Variants in HPSE2 observed in about 807,000 individuals in gnomAD.
The protein encoded by HPSE2 is heparanase 2 (inactive), also known as inactive heparanase-2.
A neutral mutation model predicts 60.5 loss-of-function variants in HPSE2; 38 were observed. The observed-to-expected ratio is 0.63, with a 90% CI of 0.48 to 0.82. HPSE2 has a LOEUF of 0.82. Ranked by LOEUF, HPSE2 falls within the 40% of genes least tolerant of loss-of-function variation. HPSE2 has a pLI of 0.00. For synonymous variants in HPSE2, 295 were observed against 293.2 expected (o/e 1.01, Z -0.06); for missense variants, 713 against 740.4 (o/e 0.96, Z 0.43).
intron 3 of HPSE2, among the ~76,000 whole-genome samples, chr10:98,749,661 TA>T (rs1206498744): frequency 1.2e-4 from 18 of 151,008 alleles, no homozygotes; most frequent in African/African-American, 4.4e-4. Flanking sequence ...TTCAGTATAG[TA>T]TTCAATAAAT....
intron 3 of HPSE2, among the ~76,000 whole-genome samples, chr10:99,119,610 CA>C (rs1014341786): frequency 1.3e-5 from 2 of 152,000 alleles, no homozygotes; most frequent in African/African-American, 4.8e-5. Flanking sequence ...CATATGGAAG[CA>C]AAAAAGAGCC....
At chr10:98,764,501 A>C (rs964948062) in intron 3 of HPSE2, among the ~76,000 whole-genome samples, 2 of 151,822 alleles carry the variant, frequency 1.3e-5, no homozygotes, top group African/African-American at 4.8e-5. Flanking sequence ...TTTAAAAATA[A>C]ATCCAATTAT....
rs1554950583 is a variant in HPSE2 at position 98,600,926 on chromosome 10, T to TATATATA, written c.1320+13971_1320+13977dup. Reference sequence around the variant, plus strand: ...ATGTGTGTGTGTATATATATATATATATATATATATATATAGAAAGAGAGA... The same window carrying TATATATA: ...ATGTGTGTGTGTATATATATATATATATATATAATATATATATATATAGAAAGAGAGA... On this transcript the variant is annotated intron_variant, in intron 9 of 11. Coordinates refer to ENST00000370552, the MANE Select transcript of HPSE2 (RefSeq NM_021828.5). 2.8e-4 allele frequency among the ~76,000 whole-genome samples: 30 copies of TATATATA among 107,902 alleles called. 1 individual carries two copies. The highest frequency in any genetic ancestry group is 3.2e-4 in the South Asian group (1 of 3,082). The allele number at this position is 107,902 out of a possible 152,430, so 70.8% of individuals were successfully genotyped here. A position where few individuals can be genotyped will look rare whatever the true frequency, so the allele number is the denominator to read the frequency against.
chr10:98,591,272 C>T (rs1204975361), intron 9 of HPSE2, among the ~76,000 whole-genome samples: 2 of 152,094 alleles, frequency 1.3e-5, no homozygotes, highest in Admixed American at 1.3e-4. Context: ...CATGGAGCAC[C>T]ACGTAAATGG....
intron 3 of HPSE2, among the ~76,000 whole-genome samples, chr10:99,023,392 C>G (rs1957307277): frequency 1.3e-5 from 2 of 152,118 alleles, no homozygotes; most frequent in African/African-American, 4.8e-5. Flanking sequence ...CAGGATGGCA[C>G]TTCTGGACCT....
intron 2 of HPSE2, among the ~76,000 whole-genome samples, chr10:99,163,002 G>A (rs1846905832): frequency 6.6e-6 from 1 of 152,186 alleles, no homozygotes; most frequent in Non-Finnish European, 1.5e-5. Context: ...GAGGTCAGGA[G>A]ATTGAGATCA....
intron 3 of HPSE2, among the ~76,000 whole-genome samples, chr10:98,853,034 T>A (rs1952220956): frequency 6.6e-6 from 1 of 152,248 alleles, no homozygotes; most frequent in Non-Finnish European, 1.5e-5. Context: ...ACAAAAGTTT[T>A]AAAATGTAAA....
chr10:98,515,837 G>A (rs749203169), intron 9 of HPSE2, among the ~76,000 whole-genome samples: 3 of 152,104 alleles, frequency 2.0e-5, no homozygotes, highest in Admixed American at 6.6e-5. Flanking sequence ...ATGGATCTGT[G>A]TTTCTAACTG....
At chr10:99,298,978 A>G in the HPSE2 span, among the ~76,000 whole-genome samples, 1 of 152,076 alleles carries the variant, frequency 6.6e-6, no homozygotes, top group African/African-American at 2.4e-5. Context: ...CAGCCTATAC[A>G]GGTTTTTATA....
At chr10:99,305,970 C>CGT in the HPSE2 span, among the ~76,000 whole-genome samples, 70 of 120,806 alleles carry the variant, frequency 5.8e-4, 1 homozygote, top group South Asian at 1.6e-3. Context: ...CACGCGCGCG[C>CGT]GCGCGCGCGC....
chr10:99,171,085 C>A (rs960165360), intron 2 of HPSE2, among the ~76,000 whole-genome samples: 1 of 152,156 alleles, frequency 6.6e-6, no homozygotes, highest in African/African-American at 2.4e-5. Context: ...TGCAACCAAT[C>A]CCCCACAAAT....
At chr10:98,641,192 C>T (rs544383490) in intron 7 of HPSE2, among the ~76,000 whole-genome samples, 8 of 152,194 alleles carry the variant, frequency 5.3e-5, no homozygotes, top group Admixed American at 3.9e-4. Context: ...TTAAAGTAAC[C>T]TAAAATAAAC....
the HPSE2 span, among the ~76,000 whole-genome samples, chr10:99,250,175 C>T: frequency 6.6e-6 from 1 of 151,864 alleles, no homozygotes; most frequent in Non-Finnish European, 1.5e-5. Flanking sequence ...TAGCACCTCC[C>T]CTTTTATTTC....
At chr10:99,285,473 A>C in the HPSE2 span, among the ~76,000 whole-genome samples, 1 of 110,592 alleles carries the variant, frequency 9.0e-6, no homozygotes, top group Non-Finnish European at 1.7e-5. Flanking sequence ...GAAGGAAGGA[A>C]GGAAGGGAGG....
intron 4 of HPSE2, among the ~76,000 whole-genome samples, chr10:98,727,858 C>T (rs1456806254): frequency 6.6e-6 from 1 of 151,924 alleles, no homozygotes; most frequent in African/African-American, 2.4e-5. Flanking sequence ...CAGTTTTTAT[C>T]AGAAAAAAAT....
chr10:98,708,721 A>G (rs1407038537), intron 5 of HPSE2, among the ~76,000 whole-genome samples: 1 of 152,202 alleles, frequency 6.6e-6, no homozygotes, highest in African/African-American at 2.4e-5. Flanking sequence ...TTTGCAAACA[A>G]TGTCAAACAA....
intron 2 of HPSE2, among the ~76,000 whole-genome samples, chr10:99,218,879 C>T (rs1043872414): frequency 2.0e-5 from 3 of 152,170 alleles, no homozygotes; most frequent in Non-Finnish European, 2.9e-5. Flanking sequence ...CAAGGAGATT[C>T]GTAATGGCCA....
At chr10:98,650,678 A>G (rs1218143282) in intron 6 of HPSE2, among the ~76,000 whole-genome samples, 2 of 152,196 alleles carry the variant, frequency 1.3e-5, no homozygotes, top group Admixed American at 6.5e-5. Context: ...GTAAAAACAC[A>G]GTGACCAAGG....
chr10:99,196,601 A>G (rs1214678856), intron 2 of HPSE2, among the ~76,000 whole-genome samples: 2 of 152,240 alleles, frequency 1.3e-5, no homozygotes, highest in African/African-American at 4.8e-5. Flanking sequence ...GCAAACAGGC[A>G]TATGAAAAGG....
Sources: gnomAD v4.1 joint callset for allele counts (sites outside exome capture counted in the v4.1 genomes callset) on GRCh38, gnomAD v4.1.1 for gene constraint, MANE v1.5 for transcripts, NCBI Gene and HGNC (gene_info 2026-07-23, HGNC 2026-07-21) for gene names.